ZSWIM8: variants seen among roughly 807,000 people sequenced by gnomAD.
ZSWIM8 encodes zinc finger SWIM-type containing 8.
Under a neutral mutation model 173.7 loss-of-function variants are expected in ZSWIM8, and 27 were observed. The ratio of observed to expected loss-of-function variants is 0.16; its 90% CI spans 0.11 to 0.21. The LOEUF is 0.21. Among genes scored for constraint, ZSWIM8 ranks in the 10% least tolerant of loss-of-function variants. ZSWIM8 has a pLI of 1.00. For missense variants in ZSWIM8, 1,627 were observed against 2,428.8 expected, an observed-to-expected ratio of 0.67 and a Z score of 6.94; for synonymous variants, 958 against 962.0, an observed-to-expected ratio of 1.00 and a Z score of 0.08.
intron 20 of ZSWIM8, 122 bp from the exon 21 acceptor site, chr10:73,798,880 C>T (rs2132793861): frequency 7.4e-7 from 1 of 1,349,482 alleles, no homozygotes; most frequent in African/African-American, 1.5e-5. Flanking sequence ...TAAGCATTGA[C>T]ACTGACCTCT....
chr10:73,790,118 G>A, intron 6 of ZSWIM8, 54 bp from the exon 7 acceptor site: 2 of 1,611,194 alleles, frequency 1.2e-6, no homozygotes, highest in Admixed American at 3.3e-5. Context: ...GCTTGCTGTT[G>A]TCAGGCAAAT....
chr10:73,791,057 C>A lies in ZSWIM8; in HGVS notation c.1024C>A (p.Arg342Ser), dbSNP rs375066041. The change falls in exon 8 of 26, where the codon CGT becomes AGT. Residue 342 changes from arginine to serine, a missense_variant. Transcript: ENST00000604729. This position sits in a 1 kb window ranked among gnomAD's most constrained non-coding sequence, Gnocchi z 6.0. ...WACLLRPLRGREPEGVWNLLS... is the reference protein window; with the variant it reads ...WACLLRPLRGSEPEGVWNLLS... ...ATGTCTGCTGCGCCCTCTGAGGGGC[C>A]GTGAGCCAGAGGGCGTCTGGAACCT... is the stretch of plus-strand genomic sequence containing the variant. 1 of 1,613,882 alleles carries A rather than the reference C, an allele frequency of 6.2e-7. No homozygotes were observed.
chr10:73,798,928 ATT>A, intron 20 of ZSWIM8, 72 bp from the exon 21 acceptor site: 2 of 1,525,298 alleles, frequency 1.3e-6, no homozygotes, highest in Non-Finnish European at 1.8e-6. Context: ...TGAGGGAGAC[ATT>A]GGAATCTCAT....
At position 73,797,454 on chromosome 10, in the gene ZSWIM8, G is replaced by C. The variant is rs761573851; in HGVS notation, c.3511G>C (p.Gly1171Arg). 3 of 1,613,896 alleles carry C rather than the reference G, an allele frequency of 1.9e-6. No individual in the cohort carries two copies. The highest frequency in any genetic ancestry group is 2.5e-6 in the Non-Finnish European group (3 of 1,179,840). ...CACCTTAAGCCGGAGACCACTTCGA[G>C]GGGGCTGGGCCCCCACCTCCTGGGG... ...SPTLSRRPLRGGWAPTSWGRG... is the reference protein window; with the variant it reads ...SPTLSRRPLRRGWAPTSWGRG... Residue 1171 changes from glycine (G) to arginine (R), a missense_variant, in exon 18 of 26, where the codon GGG (glycine) becomes CGG (arginine). Gly to Arg is a moderately radical substitution (Grantham distance 125, BLOSUM62 -2). Coordinates refer to ENST00000604729, the MANE Select transcript of ZSWIM8 (RefSeq NM_001367799.1). The surrounding 1 kb of genome is among the most constrained non-coding windows in gnomAD (Gnocchi z 5.6).
chr10:73,799,221 G>A lies in ZSWIM8; in HGVS notation c.4396G>A (p.Gly1466Arg). ...TGGGCGGGGTATGCCTGAGGGTAGA[G>A]GGGGCCCAGGGACTGAGCCGGTTAC... ...EAGRGMPEGR[G>R]GPGTEPVTVA... Residue 1466 changes from glycine to arginine, a missense_variant, in exon 21 of 26, where the codon GGG becomes AGG. Gly to Arg is a moderately radical substitution (Grantham distance 125). Coordinates refer to ENST00000604729, the MANE Select transcript of ZSWIM8 (RefSeq NM_001367799.1). 1 of 1,605,650 alleles carries A rather than the reference G, an allele frequency of 6.2e-7. No homozygotes were observed. The highest frequency in any genetic ancestry group is 1.1e-5 in the South Asian group (1 of 89,986).
chr10:73,799,152 G>T lies in ZSWIM8; in HGVS notation c.4327G>T (p.Ala1443Ser), dbSNP rs753846242. ...TGGCTCATCCACAGCCCGTGAAGGG[G>T]CTACAAGCTGTAGTGCCAGTGGGAT... Reference protein sequence around the residue: ...AGGSSTAREGATSCSASGIRA... With the variant: ...AGGSSTAREGSTSCSASGIRA... The change falls in exon 21 of 26, where the codon GCT becomes TCT. Residue 1443 changes from alanine to serine, a missense_variant. By Grantham distance (99) the Ala-to-Ser change is moderately conservative. Around this residue, in one of 18 missense-constraint regions of ZSWIM8, gnomAD observed 275 missense variants for 290.1 expected, o/e 0.95. Transcript: ENST00000604729. 1.2e-6 allele frequency: 2 copies of T among 1,612,652 alleles called. No homozygotes were observed. Among genetic ancestry groups the T allele is most frequent in the East Asian group, 4.5e-5 (2 of 44,834 alleles).
intron 1 of ZSWIM8, among the ~76,000 whole-genome samples, chr10:73,786,943 C>CA (rs2083248350): frequency 7.6e-6 from 1 of 131,806 alleles, no homozygotes. Context: ...ACATATATCA[C>CA]TTTTTTTTTT....
chr10:73,788,629 TC>T (rs1565069110), intron 1 of ZSWIM8, 40 bp from the exon 2 acceptor site: 1 of 1,607,142 alleles, frequency 6.2e-7, no homozygotes, highest in Non-Finnish European at 8.5e-7. Context: ...CCTTTTCATT[TC>T]CTATTCTCTT....
rs763750640 is a variant in ZSWIM8, at chr10:73,800,276, A to G, written c.4826-20A>G. The G allele has an allele frequency of 2.5e-6, 4 of 1,613,044 alleles. No individual in the cohort carries two copies. The highest frequency in any genetic ancestry group is 1.1e-5 in the South Asian group (1 of 91,048). On this transcript the variant is annotated intron_variant, in intron 22 of 25. Transcript: ENST00000604729. This position sits in a 1 kb window ranked among gnomAD's most constrained non-coding sequence, Gnocchi z 4.1. ...TCTCTTTGGGCTCTGAGTTCCTCAC[A>G]TGGCTCTCACCCCACTTAGTGAGCA...
In ZSWIM8 at chr10:73,797,010, G is replaced by A. The variant is rs755918878; in HGVS notation, c.3270G>A (p.Val1090=). 7 of 1,610,070 alleles carry A rather than the reference G, an allele frequency of 4.3e-6. No homozygotes were observed. Among genetic ancestry groups the A allele is most frequent in the South Asian group, 1.1e-5 (1 of 90,946 alleles). ...GPTEGFTEKN[V]PESSPHSPCE... is the part of the protein sequence containing the mutation. Reference sequence around the variant, plus strand: ...CTGAGGGCTTCACAGAGAAGAATGTGCCTGGTGAGGTGGGGGCACTGGGCA... The same window carrying A: ...CTGAGGGCTTCACAGAGAAGAATGTACCTGGTGAGGTGGGGGCACTGGGCA... Residue 1090 remains valine, a synonymous_variant, in exon 16 of 26, where the codon GTG becomes GTA. Transcript: ENST00000604729. This position sits in a 1 kb window ranked among gnomAD's most constrained non-coding sequence, Gnocchi z 5.6.
rs370059343 is a variant in ZSWIM8 at position 73,792,208 on chromosome 10, C to G, written c.1669C>G (p.Pro557Ala). The part of the protein sequence containing the change: ...TKRKGLGEGV[P>A]SSQRGPRRLS... Reference sequence around the variant, plus strand: ...GCGAAAGGGCTTGGGTGAGGGGGTCCCCTCATCACAGCGGGGTCCCCGCCG... The same window carrying G: ...GCGAAAGGGCTTGGGTGAGGGGGTCGCCTCATCACAGCGGGGTCCCCGCCG... The change falls in exon 10 of 26, where the codon CCC becomes GCC. Residue 557 changes from proline to alanine, a missense_variant. By Grantham distance (27) the Pro-to-Ala change is conservative. Coordinates refer to ENST00000604729, the MANE Select transcript of ZSWIM8 (RefSeq NM_001367799.1). This position sits in a 1 kb window ranked among gnomAD's most constrained non-coding sequence, Gnocchi z 4.3. The G allele has an allele frequency of 7.5e-5, 115 of 1,539,420 alleles. No homozygotes were observed. Among genetic ancestry groups the G allele is most frequent in the Admixed American group, 1.2e-4 (6 of 49,612 alleles).
intron 21 of ZSWIM8, 34 bp from the exon 22 acceptor site, chr10:73,799,977 T>C (rs747800715): frequency 2.5e-6 from 4 of 1,603,946 alleles, no homozygotes; most frequent in African/African-American, 1.3e-5. Context: ...CTAATCAAGT[T>C]TGGCATCTTC....
chr10:73,794,824 A>G (rs1359137182), intron 14 of ZSWIM8, 185 bp downstream of exon 14: 1 of 487,150 alleles, frequency 2.1e-6, no homozygotes, highest in African/African-American at 2.0e-5. Flanking sequence ...GTGGTGGCCC[A>G]TGCTTGTAAT....
intron 7 of ZSWIM8, among the ~76,000 whole-genome samples, 175 bp downstream of exon 7, chr10:73,790,467 C>T (rs997192470): frequency 2.6e-5 from 4 of 152,212 alleles, no homozygotes; most frequent in Admixed American, 2.6e-4. Flanking sequence ...TGACCTTGTA[C>T]AGTCACAGAG....
chr10:73,794,196 T>G lies in ZSWIM8; in HGVS notation c.2675T>G (p.Ile892Ser). ...ESEVAALLKKIPLGPSEMSTM... is the reference protein window; with the variant it reads ...ESEVAALLKKSPLGPSEMSTM... ...GAGGTGGCTGCCCTGCTCAAGAAGA[T>G]CCCTCTGGGTCCAAGTGAGATGAGT... Residue 892 changes from isoleucine (I) to serine (S), a missense_variant, in exon 13 of 26, where the codon ATC becomes AGC. Ile to Ser is a moderately radical substitution (Grantham distance 142). This residue lies in a region of ZSWIM8 where 169 missense variants were observed against 235.3 expected (regional missense o/e 0.72). Coordinates refer to ENST00000604729, the MANE Select transcript of ZSWIM8 (RefSeq NM_001367799.1). The G allele has an allele frequency of 6.2e-7, 1 of 1,613,976 alleles. No homozygotes were observed. Among genetic ancestry groups the G allele is most frequent in the Non-Finnish European group, 8.5e-7 (1 of 1,179,872 alleles).
chr10:73,800,273 C>G lies in ZSWIM8; in HGVS notation c.4826-23C>G, dbSNP rs761219316. 2 of 1,612,700 alleles carry G rather than the reference C, an allele frequency of 1.2e-6. No individual in the cohort carries two copies. Among genetic ancestry groups the G allele is most frequent in the Non-Finnish European group, 1.7e-6 (2 of 1,179,098 alleles). On this transcript the variant is annotated intron_variant, in intron 22 of 25. Transcript: ENST00000604729. This position sits in a 1 kb window ranked among gnomAD's most constrained non-coding sequence, Gnocchi z 4.1. ...GTCTCTCTTTGGGCTCTGAGTTCCT[C>G]ACATGGCTCTCACCCCACTTAGTGA...
Position 73,797,976 on chromosome 10 carries a change from C to T in ZSWIM8, c.3858C>T (p.Ala1286=), listed in dbSNP as rs2083745791. The T allele has an allele frequency of 6.2e-7, 1 of 1,613,948 alleles. No homozygotes were observed. The highest frequency in any genetic ancestry group is 1.1e-5 in the South Asian group (1 of 91,092). ...QGPHRNLHLC[A]FEIGLYALGL... Reference sequence around the variant, plus strand: ...CTCACCGCAACCTGCACCTTTGCGCCTTCGAGATTGGGCTTTATGCCCTTG... The same window carrying T: ...CTCACCGCAACCTGCACCTTTGCGCTTTCGAGATTGGGCTTTATGCCCTTG... Residue 1286 remains alanine, a synonymous_variant, in exon 19 of 26, where the codon GCC becomes GCT. Transcript: ENST00000604729. The surrounding 1 kb of genome is among the most constrained non-coding windows in gnomAD (Gnocchi z 5.6).
At position 73,801,628 on chromosome 10, in the gene ZSWIM8, T is replaced by A; in HGVS notation, c.*109T>A. ...GACAGATCATCCTCACTCAGTTCCC[T>A]GGTAGCACAGACTGACAGCTGCTCT... is the stretch of plus-strand genomic sequence containing the variant. On this transcript the variant is annotated 3_prime_UTR_variant, in exon 26 of 26. Coordinates refer to ENST00000604729, the MANE Select transcript of ZSWIM8 (RefSeq NM_001367799.1). The surrounding 1 kb of genome is among the most constrained non-coding windows in gnomAD (Gnocchi z 4.9). 6.5e-7 allele frequency: 1 copy of A among 1,539,648 alleles called. No homozygotes were observed. Among genetic ancestry groups the A allele is most frequent in the Non-Finnish European group, 8.7e-7 (1 of 1,148,130 alleles).
Position 73,801,747 on chromosome 10 carries a change from G to C in ZSWIM8, c.*228G>C. ...TGGGAGGGGGCGTTGGGTGGCCTCT[G>C]GTATTTATTTGGCATTTATAAATAT... On this transcript the variant is annotated 3_prime_UTR_variant, in exon 26 of 26. Transcript: ENST00000604729. This position sits in a 1 kb window ranked among gnomAD's most constrained non-coding sequence, Gnocchi z 4.9. 6.6e-7 allele frequency: 1 copy of C among 1,516,808 alleles called. No homozygotes were observed. Among genetic ancestry groups the C allele is most frequent in the Non-Finnish European group, 8.8e-7 (1 of 1,137,466 alleles). The allele number at this position is 1,516,808 out of a possible 1,614,324, so 94.0% of individuals were successfully genotyped here.
Sources: allele counts gnomAD v4.1 joint callset (sites outside exome capture counted in the v4.1 genomes callset), GRCh38; gene constraint gnomAD v4.1.1; regional missense constraint gnomAD v4.1.1; non-coding constraint Gnocchi (gnomAD v3.1); transcripts MANE v1.5; gene names NCBI Gene and HGNC (gene_info 2026-07-23, HGNC 2026-07-21).